Variants in SREBF1 observed in about 807,000 individuals in gnomAD.
SREBF1 encodes sterol regulatory element-binding protein 1.
SREBF1 carries 45 observed loss-of-function variants against 100.1 expected under a neutral mutation model. That is an observed-to-expected ratio of 0.45 (90% CI 0.35 to 0.58). The LOEUF (loss-of-function observed/expected upper bound fraction) is 0.58. SREBF1 is among the 20% of genes least tolerant of loss of function. The pLI is 0.00. For synonymous variants in SREBF1, 657 were observed against 681.8 expected, an observed-to-expected ratio of 0.96 and a Z score of 0.57; for missense variants, 1,324 against 1,539.4, an observed-to-expected ratio of 0.86 and a Z score of 2.34.
chr17:17,829,205 A>AAAAATATATATATATAT (rs1210718799), intron 1 of SREBF1, among the ~76,000 whole-genome samples: 2 of 65,872 alleles, frequency 3.0e-5, no homozygotes, highest in Non-Finnish European at 2.9e-5. Context: ...AAAAAAAAAA[A>AAAAATATATATATATAT]ATATATATAT....
rs184208843 is a variant in SREBF1, at chr17:17,813,558, C to T, written c.3102+11G>A. The stretch of plus-strand genomic sequence containing the variant: ...CTCCCCGTCTTGAGGACAGGGCCAT[C>T]GGGCACTCACCCTCCGCATGGCGGG... On this transcript the variant is annotated intron_variant, in intron 17 of 18. Coordinates refer to ENST00000261646, the MANE Select transcript of SREBF1 (RefSeq NM_004176.5). 4.2e-3 allele frequency: 6,746 copies of T among 1,594,798 alleles called. 22 individuals are homozygous for T. Among genetic ancestry groups the T allele is most frequent in the Non-Finnish European group, 5.2e-3 (6,121 of 1,172,670 alleles).
In SREBF1 at chr17:17,820,432, G is replaced by A; in HGVS notation, c.181C>T (p.Pro61Ser). The A allele has an allele frequency of 6.2e-7, 1 of 1,613,854 alleles. No individual in the cohort carries two copies. Among genetic ancestry groups the A allele is most frequent in the Non-Finnish European group, 8.5e-7 (1 of 1,179,872 alleles). The stretch of plus-strand genomic sequence containing the variant: ...GGGGAGCTGGTATCGGGGCTGGCAG[G>A]GTCTGTGCCCCCTGCCCCACTCCCA... ...YAGSGAGGTD[P>S]ASPDTSSPGS... Residue 61 changes from proline to serine, a missense_variant, in exon 2 of 19, where the codon CCT becomes TCT. Pro to Ser is a moderately conservative substitution (Grantham distance 74). Transcript: ENST00000261646.
rs1167913930 is a variant in SREBF1 at position 17,817,351 on chromosome 17, G to T, written c.1511C>A (p.Ala504Asp). 1.2e-6 allele frequency: 2 copies of T among 1,607,748 alleles called. No individual in the cohort carries two copies. Among genetic ancestry groups the T allele is most frequent in the South Asian group, 1.1e-5 (1 of 90,172 alleles). Residue 504 changes from alanine to aspartate, a missense_variant, in exon 8 of 19, where the codon GCC (alanine) becomes GAC (aspartate). Physicochemically the swap from Ala to Asp is moderately radical, Grantham distance 126 (BLOSUM62 -2). Transcript: ENST00000261646. The surrounding 1 kb of genome is among the most constrained non-coding windows in gnomAD (Gnocchi z 6.6). ...AAGCCCCCGGGCCCCCAGCAAGGAGGCCAAGGGGTTGCAGGACAGGCAGAG... is the reference window on the plus strand; with the variant it reads ...AAGCCCCCGGGCCCCCAGCAAGGAGTCCAAGGGGTTGCAGGACAGGCAGAG... ...VFLCLSCNPL[A>D]SLLGARGLPS...
At chr17:17,828,589 C>T (rs2034633753) in intron 1 of SREBF1, among the ~76,000 whole-genome samples, 1 of 152,158 alleles carries the variant, frequency 6.6e-6, no homozygotes, top group Non-Finnish European at 1.5e-5. Context: ...CTGGGAGTAG[C>T]CCCTGCTGCT....
intron 16 of SREBF1, 197 bp downstream of exon 16, chr17:17,814,048 A>C: frequency 1.5e-6 from 1 of 682,922 alleles, no homozygotes; most frequent in East Asian, 2.7e-5. Context: ...GGGATGGGGA[A>C]ACTGAGGCCA....
rs140847903 is a variant in SREBF1 at position 17,832,361 on chromosome 17, G to A, written c.91+4366C>T. On this transcript the variant is annotated intron_variant, in intron 1 of 18. Coordinates refer to ENST00000261646, the MANE Select transcript of SREBF1 (RefSeq NM_004176.5). The stretch of plus-strand genomic sequence containing the variant: ...TCCATCCAAGCAGCCAGAGGGAACT[G>A]AAGCTCGGTGTGCCCCTGCTCTGAC... Among the ~76,000 whole-genome samples the A allele has an allele frequency of 3.5e-3, 534 of 152,292 alleles. 3 individuals are homozygous for A. The highest frequency in any genetic ancestry group is 0.017 in the Middle Eastern group (5 of 294).
intron 5 of SREBF1, 110 bp from the exon 6 acceptor site, chr17:17,818,484 C>G: frequency 1.3e-6 from 1 of 756,276 alleles, no homozygotes; most frequent in Non-Finnish European, 2.3e-6. Flanking sequence ...AACATTACTG[C>G]CTCAGGACCT....
chr17:17,813,423 T>C lies in SREBF1; in HGVS notation c.3159A>G (p.Thr1053=), dbSNP rs769307775. Reference sequence around the variant, plus strand: ...TCAGACTGCGGTCGAGGAGCTGGTGTGTCCGTGTGGGGCTGGCCCCCGCCA... The same window carrying C: ...TCAGACTGCGGTCGAGGAGCTGGTGCGTCCGTGTGGGGCTGGCCCCCGCCA... ...RLMAGASPTR[T]HQLLDRSLRR... The change falls in exon 18 of 19, where the codon ACA becomes ACG. Residue 1053 remains threonine, a synonymous_variant. Coordinates refer to ENST00000261646, the MANE Select transcript of SREBF1 (RefSeq NM_004176.5). The C allele has an allele frequency of 9.4e-6, 15 of 1,601,762 alleles. No individual in the cohort carries two copies. Among genetic ancestry groups the C allele is most frequent in the Admixed American group, 5.1e-5 (3 of 58,970 alleles).
At chr17:17,819,939 G>A in intron 2 of SREBF1, 151 bp downstream of exon 2, 9 of 1,141,800 alleles carry the variant, frequency 7.9e-6, no homozygotes, top group Non-Finnish European at 1.1e-5. Context: ...AGCACACCAG[G>A]ACTGCTAGTA....
In SREBF1 at chr17:17,817,029, T is replaced by C; in HGVS notation, c.1714A>G (p.Thr572Ala). ...VLLFVYGEPV[T>A]RPHSGPAVYF... ...ACGGCGGGGCCTGAGTGGGGCCGTG[T>C]GACTGGCTCACCGTAGACAAAGAGA... The change falls in exon 9 of 19, where the codon ACA becomes GCA. Residue 572 changes from threonine (T) to alanine (A), a missense_variant. Thr to Ala is a moderately conservative substitution (Grantham distance 58). Transcript: ENST00000261646. The surrounding 1 kb of genome is among the most constrained non-coding windows in gnomAD (Gnocchi z 6.6). The C allele has an allele frequency of 3.7e-6, 6 of 1,613,092 alleles. No homozygotes were observed. The highest frequency in any genetic ancestry group is 4.2e-6 in the Non-Finnish European group (5 of 1,180,022).
intron 1 of SREBF1, among the ~76,000 whole-genome samples, chr17:17,832,884 G>A (rs2034954014): frequency 6.6e-6 from 1 of 151,352 alleles, no homozygotes; most frequent in South Asian, 2.1e-4. Context: ...TCGCGCCACT[G>A]CACTCCAGCC....
At chr17:17,836,465 C>G (rs1412174130) in intron 1 of SREBF1, among the ~76,000 whole-genome samples, 2 of 152,224 alleles carry the variant, frequency 1.3e-5, no homozygotes, top group Non-Finnish European at 2.9e-5. Context: ...CGTAGAGGCG[C>G]ACGTGTCCCG....
At chr17:17,814,498 G>T in intron 15 of SREBF1, 88 bp from the exon 16 acceptor site, 2 of 1,537,988 alleles carry the variant, frequency 1.3e-6, no homozygotes, top group South Asian at 1.2e-5. Context: ...CGAGTTCCCT[G>T]AGGAAAAAAG....
At chr17:17,832,153 G>T (rs2034899693) in intron 1 of SREBF1, among the ~76,000 whole-genome samples, 1 of 152,158 alleles carries the variant, frequency 6.6e-6, no homozygotes, top group African/African-American at 2.4e-5. Context: ...TTTGAATTCT[G>T]GCTTTGCCAT....
intron 1 of SREBF1, chr17:17,823,733 G>A: frequency 5.4e-6 from 2 of 368,642 alleles, no homozygotes; most frequent in Non-Finnish European, 7.6e-6. Flanking sequence ...CGCCCTTCGG[G>A]GCTGCGGGCC....
intron 1 of SREBF1, among the ~76,000 whole-genome samples, chr17:17,834,239 A>G (rs1220437782): frequency 6.6e-6 from 1 of 152,116 alleles, no homozygotes; most frequent in African/African-American, 2.4e-5. Context: ...CTACAGGCAC[A>G]TGTCACCCAC....
At chr17:17,828,561 C>T (rs1033214813) in intron 1 of SREBF1, among the ~76,000 whole-genome samples, 1 of 152,188 alleles carries the variant, frequency 6.6e-6, no homozygotes, top group African/African-American at 2.4e-5. Context: ...AACCCACGGG[C>T]CTGATGCAGT....
At chr17:17,827,245 C>T (rs971693515) in intron 1 of SREBF1, among the ~76,000 whole-genome samples, 3 of 152,170 alleles carry the variant, frequency 2.0e-5, no homozygotes, top group Non-Finnish European at 4.4e-5. Context: ...AGCCAAGGAC[C>T]CCAATTCTCC....
chr17:17,818,895 G>T, intron 5 of SREBF1, 118 bp downstream of exon 5: 1 of 1,248,894 alleles, frequency 8.0e-7, no homozygotes, highest in Non-Finnish European at 1.2e-6. Context: ...TGGGGAGGCT[G>T]AATTCCAATT....
Sources: gnomAD v4.1 joint callset for allele counts (sites outside exome capture counted in the v4.1 genomes callset) on GRCh38, gnomAD v4.1.1 for gene constraint, Gnocchi (gnomAD v3.1) non-coding constraint, MANE v1.5 for transcripts, NCBI Gene and HGNC (gene_info 2026-07-23, HGNC 2026-07-21) for gene names.